Variants in WBP1 observed in about 807,000 individuals in gnomAD.
WBP1 encodes the protein WW domain-binding protein 1.
A neutral mutation model predicts 25.6 loss-of-function variants in WBP1; 18 were observed. That is an observed-to-expected ratio of 0.70 (90% CI 0.49 to 1.04). The LOEUF is 1.04. Among genes scored for constraint, WBP1 ranks in the 50% least tolerant of loss-of-function variants. The pLI is 0.00. For synonymous variants in WBP1, 122 were observed against 137.7 expected, an observed-to-expected ratio of 0.89 and a Z score of 0.80; for missense variants, 330 against 352.9, an observed-to-expected ratio of 0.94 and a Z score of 0.52.
chr2:74,460,839 A>G lies in WBP1; in HGVS notation c.*158A>G. On this transcript the variant is annotated 3_prime_UTR_variant, in exon 4 of 4. Transcript: ENST00000233615. ...ACTGTGCTAGCTTTACCCCCGCAGG[A>G]CATACACAGGAGCCTTTGATCTCAT... 1.5e-6 allele frequency: 1 copy of G among 674,858 alleles called. No individual in the cohort carries two copies. Among genetic ancestry groups the G allele is most frequent in the Non-Finnish European group, 2.5e-6 (1 of 395,916 alleles). The allele number at this position is 674,858 out of a possible 1,614,324, so 41.8% of individuals were successfully genotyped here. A position where few individuals can be genotyped will look rare whatever the true frequency, so the allele number is the denominator to read the frequency against.
chr2:74,459,564 T>C, intron 1 of WBP1, 79 bp from the exon 2 acceptor site: 1 of 1,331,500 alleles, frequency 7.5e-7, no homozygotes, highest in East Asian at 2.3e-5. Flanking sequence ...TGGGATTGTG[T>C]ATGTGCATGC....
chr2:74,460,815 CTG>C lies in WBP1; in HGVS notation c.*137_*138del. 1 of 786,766 alleles carries C rather than the reference CTG, an allele frequency of 1.3e-6. No individual in the cohort carries two copies. Among genetic ancestry groups the C allele is most frequent in the Non-Finnish European group, 2.0e-6 (1 of 496,466 alleles). 48.7% of individuals were successfully genotyped at this position (786,766 alleles called of 1,614,324 possible). A position where few individuals can be genotyped will look rare whatever the true frequency, so the allele number is the denominator to read the frequency against. On this transcript the variant is annotated 3_prime_UTR_variant, in exon 4 of 4. Coordinates refer to ENST00000233615, the MANE Select transcript of WBP1 (RefSeq NM_012477.4). Reference sequence around the variant, plus strand: ...GCTGGAGAGGGGCAGTATTGGGGGACTGTGCTAGCTTTACCCCCGCAGGACAT... The same window carrying C: ...GCTGGAGAGGGGCAGTATTGGGGGACTGCTAGCTTTACCCCCGCAGGACAT...
intron 3 of WBP1, 68 bp from the exon 4 acceptor site, chr2:74,460,153 C>G (rs1671854172): frequency 2.6e-6 from 4 of 1,551,656 alleles, no homozygotes; most frequent in South Asian, 1.2e-5. Context: ...GTATTTTTCC[C>G]TAATATAAAA....
chr2:74,458,520 A>G lies in WBP1; in HGVS notation c.-83A>G. 3 of 1,519,226 alleles carry G rather than the reference A, an allele frequency of 2.0e-6. No individual in the cohort carries two copies. Among genetic ancestry groups the G allele is most frequent in the African/African-American group, 1.4e-5 (1 of 72,624 alleles). 94.1% of individuals were successfully genotyped at this position (1,519,226 alleles called of 1,614,324 possible). On this transcript the variant is annotated 5_prime_UTR_variant, in exon 1 of 4. It removes an upstream start codon present in the reference 5' UTR. Transcript: ENST00000233615. ...AGCGAAGATGGGCCGGGCAGGGACC[A>G]TGGCGGTGGCAGCAGAGGTGGCAGG...
intron 1 of WBP1, 108 bp downstream of exon 1, chr2:74,458,779 G>C: frequency 6.6e-7 from 1 of 1,519,804 alleles, no homozygotes. Context: ...CAAAGGTACT[G>C]TGAAGTTCCT....
At chr2:74,458,786 T>A in intron 1 of WBP1, 115 bp downstream of exon 1, 1 of 1,520,614 alleles carries the variant, frequency 6.6e-7, no homozygotes, top group Non-Finnish European at 8.9e-7. Context: ...ACTGTGAAGT[T>A]CCTAAACATG....
At chr2:74,459,029 T>A (rs1422205583) in intron 1 of WBP1, 1 of 1,550,364 alleles carries the variant, frequency 6.5e-7, no homozygotes, top group African/African-American at 1.4e-5. Context: ...AGGGAGCAAT[T>A]TGGAGAAGAG....
In WBP1 at chr2:74,459,864, C is replaced by T. The variant is rs755547117; in HGVS notation, c.173-9C>T. 4 of 1,613,126 alleles carry T rather than the reference C, an allele frequency of 2.5e-6. No individual in the cohort carries two copies. Among genetic ancestry groups the T allele is most frequent in the Admixed American group, 3.3e-5 (2 of 59,968 alleles). ...GATGCCTGAGTTGCTCCCTCCTTGC[C>T]TCTTGCAGGGTTCTGGCTGCTCTGG... On this transcript the variant is annotated splice_polypyrimidine_tract_variant and intron_variant, in intron 2 of 3. Transcript: ENST00000233615.
chr2:74,458,935 G>A lies in WBP1; in HGVS notation c.69+264G>A, dbSNP rs1671798416. 2.6e-6 allele frequency: 4 copies of A among 1,550,778 alleles called. No homozygotes were observed. In the Admixed American group the frequency reaches 7.8e-5, roughly 30 times the overall value. ...CAGAGGCATAGTGAGGTCCCAGGGA[G>A]GCTCCCTCTGTCTTGCAACAGTTAT... is the stretch of plus-strand genomic sequence containing the variant. On this transcript the variant is annotated intron_variant, in intron 1 of 3. Transcript: ENST00000233615.
In WBP1 at chr2:74,459,706, G is replaced by C; in HGVS notation, c.133G>C (p.Gly45Arg). Residue 45 changes from glycine (G) to arginine (R), a missense_variant, in exon 2 of 4, where the codon GGG becomes CGG. Physicochemically the swap from Gly to Arg is moderately radical, Grantham distance 125. Transcript: ENST00000233615. The part of the protein sequence containing the change: ...PYLCESGHCC[G>R]ETGCCTYYYE... ...CCTCTGTGAGAGTGGTCACTGCTGCGGGGAGACTGGCTGCTGCACCTACTA... is the reference window on the plus strand; with the variant it reads ...CCTCTGTGAGAGTGGTCACTGCTGCCGGGAGACTGGCTGCTGCACCTACTA... 6.2e-7 allele frequency: 1 copy of C among 1,614,146 alleles called. No individual in the cohort carries two copies. The highest frequency in any genetic ancestry group is 8.5e-7 in the Non-Finnish European group (1 of 1,180,034).
In WBP1 at chr2:74,458,537, G is replaced by A; in HGVS notation, c.-66G>A. The A allele has an allele frequency of 6.6e-7, 1 of 1,524,310 alleles. No individual in the cohort carries two copies. The highest frequency in any genetic ancestry group is 2.5e-5 in the East Asian group (1 of 40,692). 94.4% of individuals were successfully genotyped at this position (1,524,310 alleles called of 1,614,324 possible). On this transcript the variant is annotated 5_prime_UTR_variant, in exon 1 of 4. Transcript: ENST00000233615. ...CAGGGACCATGGCGGTGGCAGCAGA[G>A]GTGGCAGGGGCGGGGCGGCTGGCGG...
Position 74,460,429 on chromosome 2 carries a change from G to A in WBP1, c.558G>A (p.Gln186=). Residue 186 remains glutamine, a synonymous_variant, in exon 4 of 4, where the codon CAG becomes CAA. Transcript: ENST00000233615. The part of the protein sequence containing the change: ...VSSHQSAPPH[Q]EGEPGAGVTP... ...CCCACCAGAGTGCCCCCCCTCATCA[G>A]GAGGGTGAGCCCGGGGCAGGGGTGA... The A allele has an allele frequency of 9.9e-6, 16 of 1,613,734 alleles. No individual in the cohort carries two copies. Among genetic ancestry groups the A allele is most frequent in the Non-Finnish European group, 3.4e-6 (4 of 1,180,020 alleles).
Position 74,460,368 on chromosome 2 carries a change from C to T in WBP1, c.497C>T (p.Ala166Val), listed in dbSNP as rs765417916. ...TCCSSSSSCP[A>V]HFEGTNVEGV... ...TGTTCCTCCTCATCCAGCTGCCCTG[C>T]CCACTTTGAAGGAACAAATGTGGAA... Residue 166 changes from alanine (A) to valine (V), a missense_variant, in exon 4 of 4, where the codon GCC becomes GTC. By Grantham distance (64) the Ala-to-Val change is moderately conservative. Coordinates refer to ENST00000233615, the MANE Select transcript of WBP1 (RefSeq NM_012477.4). 6.2e-7 allele frequency: 1 copy of T among 1,614,128 alleles called. No homozygotes were observed. Among genetic ancestry groups the T allele is most frequent in the Non-Finnish European group, 8.5e-7 (1 of 1,180,018 alleles).
Position 74,459,907 on chromosome 2 carries a change from T to A in WBP1, c.207T>A (p.Phe69Leu). 1 of 1,614,204 alleles carries A rather than the reference T, an allele frequency of 6.2e-7. No homozygotes were observed. The highest frequency in any genetic ancestry group is 1.7e-4 in the Middle Eastern group (1 of 6,056). The change falls in exon 3 of 4, where the codon TTT becomes TTA. Residue 69 changes from phenylalanine (F) to leucine (L), a missense_variant. Coordinates refer to ENST00000233615, the MANE Select transcript of WBP1 (RefSeq NM_012477.4). ...FWLLWTVLIL[F>L]SCCCAFRHRR... ...TGCTCTGGACTGTCCTCATCCTCTT[T>A]AGCTGCTGTTGCGCCTTCCGCCACC...
At position 74,460,694 on chromosome 2, in the gene WBP1, G is replaced by A; in HGVS notation, c.*13G>A. ...GGACATCCCATAAGTAGTTTTGAGA[G>A]GGTGGATGGGTTACTTGCCCACCAG... On this transcript the variant is annotated 3_prime_UTR_variant, in exon 4 of 4. Coordinates refer to ENST00000233615, the MANE Select transcript of WBP1 (RefSeq NM_012477.4). 6.5e-7 allele frequency: 1 copy of A among 1,534,698 alleles called. No homozygotes were observed. Among genetic ancestry groups the A allele is most frequent in the Non-Finnish European group, 8.8e-7 (1 of 1,137,792 alleles).
rs1293096198 is a variant in WBP1 at position 74,459,707 on chromosome 2, G to A, written c.134G>A (p.Gly45Glu). 3 of 1,614,140 alleles carry A rather than the reference G, an allele frequency of 1.9e-6. No homozygotes were observed. The highest frequency in any genetic ancestry group is 3.3e-4 in the Middle Eastern group (2 of 6,030). Reference sequence around the variant, plus strand: ...CTCTGTGAGAGTGGTCACTGCTGCGGGGAGACTGGCTGCTGCACCTACTAC... The same window carrying A: ...CTCTGTGAGAGTGGTCACTGCTGCGAGGAGACTGGCTGCTGCACCTACTAC... ...PYLCESGHCC[G>E]ETGCCTYYYE... Residue 45 changes from glycine to glutamate, a missense_variant, in exon 2 of 4, where the codon GGG becomes GAG. Transcript: ENST00000233615.
rs141608282 is a variant in WBP1, at chr2:74,460,472, C to A, written c.601C>A (p.Pro201Thr). ...AGGGGTGACCCCTGCCTCCACACCCCCCTCCTGCCGCTATCGCCGTTTAAC... is the reference window on the plus strand; with the variant it reads ...AGGGGTGACCCCTGCCTCCACACCCACCTCCTGCCGCTATCGCCGTTTAAC... ...GAGVTPASTPPSCRYRRLTGD... is the reference protein window; with the variant it reads ...GAGVTPASTPTSCRYRRLTGD... The change falls in exon 4 of 4, where the codon CCC (proline) becomes ACC (threonine). Residue 201 changes from proline (P) to threonine (T), a missense_variant. Coordinates refer to ENST00000233615, the MANE Select transcript of WBP1 (RefSeq NM_012477.4). The A allele has an allele frequency of 5.9e-5, 95 of 1,613,564 alleles. No individual in the cohort carries two copies. The highest frequency in any genetic ancestry group is 5.6e-4 in the South Asian group (51 of 91,070).
intron 1 of WBP1, chr2:74,459,044 A>C (rs1671802738): frequency 5.2e-6 from 8 of 1,550,454 alleles, no homozygotes; most frequent in Non-Finnish European, 7.0e-6. Context: ...GAAGAGCTGG[A>C]ACCCAGACTC....
intron 1 of WBP1, chr2:74,459,137 C>G: frequency 1.9e-6 from 3 of 1,538,832 alleles, no homozygotes; most frequent in Non-Finnish European, 2.6e-6. Context: ...TGCCCCTCCT[C>G]TATCCTAGGG....
Sources: gnomAD v4.1 joint callset for allele counts on GRCh38, gnomAD v4.1.1 for gene constraint, MANE v1.5 for transcripts, NCBI Gene and HGNC (gene_info 2026-07-23, HGNC 2026-07-21) for gene names.